The following ZCCHC17 variants were observed in gnomAD, a reference collection of about 807,000 sequenced individuals.
ZCCHC17 encodes the protein zinc finger CCHC domain-containing protein 17.
In ZCCHC17, 18 loss-of-function variants were observed where a neutral mutation model predicts 30.6. That is an observed-to-expected ratio of 0.59 (90% CI 0.41 to 0.87). ZCCHC17 has a LOEUF of 0.87. Ranked by LOEUF, ZCCHC17 falls within the 40% of genes least tolerant of loss-of-function variation. ZCCHC17 has a pLI of 0.00. For synonymous variants in ZCCHC17, 88 were observed against 92.4 expected (o/e 0.95, Z 0.27); for missense variants, 263 against 284.2 (o/e 0.93, Z 0.54).
intron 3 of ZCCHC17, among the ~76,000 whole-genome samples, chr1:31,329,237 G>T (rs1038982215): frequency 6.6e-6 from 1 of 152,154 alleles, no homozygotes; most frequent in Non-Finnish European, 1.5e-5. Context: ...CTACATCTGT[G>T]CTGATACATG....
At chr1:31,338,434 G>A (rs1638905528) in intron 4 of ZCCHC17, among the ~76,000 whole-genome samples, 1 of 152,178 alleles carries the variant, frequency 6.6e-6, no homozygotes, top group Non-Finnish European at 1.5e-5. Flanking sequence ...ACTAGTCATG[G>A]AAGACTTGGG....
chr1:31,314,206 A>G (rs1366266496), intron 2 of ZCCHC17, among the ~76,000 whole-genome samples: 2 of 152,100 alleles, frequency 1.3e-5, no homozygotes, highest in Admixed American at 1.3e-4. Flanking sequence ...GAATTAGTGC[A>G]GGTTTTATAT....
At chr1:31,302,182 C>T (rs549968191) in intron 1 of ZCCHC17, among the ~76,000 whole-genome samples, 1 of 152,120 alleles carries the variant, frequency 6.6e-6, no homozygotes, top group East Asian at 1.9e-4. Context: ...GAGTCGAGAT[C>T]GCACCACTGC....
intron 1 of ZCCHC17, among the ~76,000 whole-genome samples, chr1:31,298,845 T>C (rs1271343168): frequency 6.6e-6 from 1 of 152,186 alleles, no homozygotes; most frequent in Non-Finnish European, 1.5e-5. Context: ...TAGGTGTGGG[T>C]AAGGTCAGCT....
chr1:31,346,452 C>T (rs1639276052), intron 5 of ZCCHC17, 188 bp from the exon 6 acceptor site: 1 of 540,292 alleles, frequency 1.9e-6, no homozygotes, highest in East Asian at 3.0e-5. Flanking sequence ...AGGTTAGTCT[C>T]ATTCGTAATT....
intron 7 of ZCCHC17, among the ~76,000 whole-genome samples, chr1:31,349,950 C>A (rs765019649): frequency 6.6e-6 from 1 of 152,184 alleles, no homozygotes; most frequent in African/African-American, 2.4e-5. Context: ...GGCTTTAACG[C>A]TCTTGATACA....
Position 31,337,235 on chromosome 1 carries a change from A to G in ZCCHC17, c.185A>G (p.Asp62Gly). The G allele has an allele frequency of 6.2e-7, 1 of 1,613,990 alleles. No homozygotes were observed. The highest frequency in any genetic ancestry group is 1.1e-5 in the South Asian group (1 of 91,068). The change falls in exon 4 of 8, where the codon GAT becomes GGT. Residue 62 changes from aspartate to glycine, a missense_variant. Coordinates refer to ENST00000344147, the MANE Select transcript of ZCCHC17 (RefSeq NM_016505.4). The stretch of plus-strand genomic sequence containing the variant: ...GTGGATAAGCCCTCTGAGATAGTAG[A>G]TGTTGGAGATAAAGTGTGGGTGAAG... ...CRVDKPSEIV[D>G]VGDKVWVKLI...
intron 3 of ZCCHC17, among the ~76,000 whole-genome samples, chr1:31,325,623 C>T (rs1351773380): frequency 6.6e-6 from 1 of 152,230 alleles, no homozygotes; most frequent in Non-Finnish European, 1.5e-5. Flanking sequence ...ATGCATCCCT[C>T]GCCACTCCGA....
chr1:31,361,838 G>A (rs1212552104), intron 7 of ZCCHC17, among the ~76,000 whole-genome samples: 1 of 150,910 alleles, frequency 6.6e-6, no homozygotes, highest in African/African-American at 2.4e-5. Flanking sequence ...TTGAGACAGG[G>A]TCTTGCTCAG....
chr1:31,359,488 T>C (rs886886814), intron 7 of ZCCHC17, among the ~76,000 whole-genome samples: 2 of 152,188 alleles, frequency 1.3e-5, no homozygotes, highest in African/African-American at 4.8e-5. Flanking sequence ...ATCACACCAC[T>C]GCACTCCAGC....
At chr1:31,316,243 A>T (rs545446450) in intron 2 of ZCCHC17, among the ~76,000 whole-genome samples, 59 of 152,332 alleles carry the variant, frequency 3.9e-4, no homozygotes, top group Middle Eastern at 6.8e-3. Context: ...CTGGGATTAC[A>T]GGCATGTGCC....
At chr1:31,319,257 A>G in intron 3 of ZCCHC17, 91 bp downstream of exon 3, 1 of 1,111,910 alleles carries the variant, frequency 9.0e-7, no homozygotes, top group Non-Finnish European at 1.3e-6. Flanking sequence ...CATTTTTCAG[A>G]CAGTAGTTTT....
At chr1:31,348,789 T>A (rs199846105) in intron 6 of ZCCHC17, 40 bp from the exon 7 acceptor site, 68 of 1,611,150 alleles carry the variant, frequency 4.2e-5, no homozygotes, top group Admixed American at 1.8e-4. Context: ...GAAGAGAGAC[T>A]ACTTCCTTTT....
At chr1:31,340,361 AGGCCG>A (rs1639002268) in intron 5 of ZCCHC17, among the ~76,000 whole-genome samples, 1 of 114,154 alleles carries the variant, frequency 8.8e-6, no homozygotes, top group African/African-American at 3.3e-5. Flanking sequence ...CTTGTTGCCC[AGGCCG>A]GAGTGCAATG....
intron 7 of ZCCHC17, among the ~76,000 whole-genome samples, chr1:31,361,354 G>A (rs1639886245): frequency 6.6e-6 from 1 of 152,158 alleles, no homozygotes; most frequent in South Asian, 2.1e-4. Flanking sequence ...AATACATATA[G>A]CTCCCACTAA....
At chr1:31,356,771 C>T (rs1380058690) in intron 7 of ZCCHC17, among the ~76,000 whole-genome samples, 1 of 152,206 alleles carries the variant, frequency 6.6e-6, no homozygotes, top group African/African-American at 2.4e-5. Flanking sequence ...GTCCAGGATG[C>T]ATTGATTTAG....
At chr1:31,332,020 C>T (rs1414293841) in intron 3 of ZCCHC17, among the ~76,000 whole-genome samples, 1 of 152,170 alleles carries the variant, frequency 6.6e-6, no homozygotes, top group Non-Finnish European at 1.5e-5. Flanking sequence ...GAAGCAATTT[C>T]TGATCACTAA....
At position 31,364,169 on chromosome 1, in the gene ZCCHC17, G is replaced by T. The variant is rs1640042339; in HGVS notation, c.702G>T (p.Lys234Asn). The T allele has an allele frequency of 6.2e-7, 1 of 1,613,550 alleles. No individual in the cohort carries two copies. The highest frequency in any genetic ancestry group is 1.1e-5 in the South Asian group (1 of 91,048). Residue 234 changes from lysine to asparagine, a missense_variant, in exon 8 of 8, where the codon AAG (lysine) becomes AAT (asparagine). Physicochemically the swap from Lys to Asn is moderately conservative, Grantham distance 94. Coordinates refer to ENST00000344147, the MANE Select transcript of ZCCHC17 (RefSeq NM_016505.4). Reference sequence around the variant, plus strand: ...CAAAGAAGAAGAAAAAGAAGAAGAAGCACAAGAAGAAGCACAAGGAGTGAG... The same window carrying T: ...CAAAGAAGAAGAAAAAGAAGAAGAATCACAAGAAGAAGCACAAGGAGTGAG... ...KAAKKKKKKK[K>N]HKKKHKE
chr1:31,342,961 G>A (rs1218083900), intron 5 of ZCCHC17, among the ~76,000 whole-genome samples: 1 of 152,150 alleles, frequency 6.6e-6, no homozygotes, highest in Non-Finnish European at 1.5e-5. Context: ...AGTACATTTG[G>A]GAACCTTGTT....
Sources: allele counts gnomAD v4.1 joint callset (sites outside exome capture counted in the v4.1 genomes callset), GRCh38; gene constraint gnomAD v4.1.1; transcripts MANE v1.5; gene names NCBI Gene and HGNC (gene_info 2026-07-23, HGNC 2026-07-21).